Variants in THSD7B observed in about 807,000 individuals in gnomAD.
THSD7B encodes thrombospondin type-1 domain-containing protein 7B.
THSD7B carries 138 observed loss-of-function variants against 213.6 expected under a neutral mutation model. The ratio of observed to expected loss-of-function variants is 0.65; its 90% CI spans 0.56 to 0.74. The LOEUF (loss-of-function observed/expected upper bound fraction) is 0.74, where lower values mean the gene tolerates loss of function less well. Ranked by LOEUF, THSD7B falls within the 30% of genes least tolerant of loss-of-function variation. The pLI is 0.00. For synonymous variants in THSD7B, 742 were observed against 687.0 expected, an observed-to-expected ratio of 1.08 and a Z score of -1.25; for missense variants, 1,931 against 1,991.5, an observed-to-expected ratio of 0.97 and a Z score of 0.58.
chr2:137,281,274 A>G (rs899634581), intron 12 of THSD7B, among the ~76,000 whole-genome samples: 2 of 152,098 alleles, frequency 1.3e-5, no homozygotes, highest in Non-Finnish European at 2.9e-5. Flanking sequence ...GAACCCCTTT[A>G]AAGTAAAGAT....
chr2:137,622,904 G>C (rs574052874), intron 20 of THSD7B, among the ~76,000 whole-genome samples: 3 of 152,266 alleles, frequency 2.0e-5, no homozygotes, highest in East Asian at 1.9e-4. Context: ...GAGATACAAA[G>C]AGGAGCTGGT....
chr2:137,652,004 T>C (rs1174094760), intron 21 of THSD7B, among the ~76,000 whole-genome samples: 1 of 152,114 alleles, frequency 6.6e-6, no homozygotes, highest in Non-Finnish European at 1.5e-5. Flanking sequence ...TCCTATGTGC[T>C]GATGAAAAGA....
At chr2:137,398,357 T>A (rs1307669204) in intron 12 of THSD7B, among the ~76,000 whole-genome samples, 2 of 146,248 alleles carry the variant, frequency 1.4e-5, no homozygotes, top group Non-Finnish European at 3.0e-5. Flanking sequence ...GGATGTCCTT[T>A]CTGTTTGTTA....
intron 12 of THSD7B, among the ~76,000 whole-genome samples, chr2:137,293,701 T>C (rs1222048705): frequency 6.6e-6 from 1 of 152,106 alleles, no homozygotes; most frequent in Non-Finnish European, 1.5e-5. Flanking sequence ...TAACCAATTA[T>C]ATATTTTATT....
At chr2:137,266,031 A>T (rs1199942465) in intron 10 of THSD7B, among the ~76,000 whole-genome samples, 1 of 152,220 alleles carries the variant, frequency 6.6e-6, no homozygotes, top group African/African-American at 2.4e-5. Flanking sequence ...GATGTACAAA[A>T]CAGGAATGAG....
chr2:137,548,198 T>G (rs1680777747), intron 15 of THSD7B, among the ~76,000 whole-genome samples: 1 of 152,022 alleles, frequency 6.6e-6, no homozygotes, highest in Non-Finnish European at 1.5e-5. Flanking sequence ...GCTGCTGCCT[T>G]GTCTTTTTCC....
chr2:137,233,210 C>A, intron 9 of THSD7B, 77 bp downstream of exon 9: 3 of 1,341,288 alleles, frequency 2.2e-6, no homozygotes, highest in South Asian at 1.4e-5. Flanking sequence ...ATTTATCAAG[C>A]AATAGATATT....
intron 17 of THSD7B, among the ~76,000 whole-genome samples, chr2:137,599,040 C>T (rs139025790): frequency 0.12 from 14,817 of 123,196 alleles, 978 homozygotes; most frequent in South Asian, 0.21. Flanking sequence ...CCCCTCCCCC[C>T]ACCCCACCAC....
chr2:137,338,176 A>G (rs1405271208), intron 12 of THSD7B, among the ~76,000 whole-genome samples: 1 of 152,032 alleles, frequency 6.6e-6, no homozygotes, highest in Non-Finnish European at 1.5e-5. Flanking sequence ...GAGGTTATTC[A>G]GGTCTTTTTT....
chr2:137,007,879 A>G (rs1276888479), intron 2 of THSD7B, among the ~76,000 whole-genome samples: 2 of 152,160 alleles, frequency 1.3e-5, no homozygotes, highest in Admixed American at 1.3e-4. Context: ...TGATGTTGTC[A>G]TTAGTTCTTT....
intron 15 of THSD7B, among the ~76,000 whole-genome samples, chr2:137,530,021 G>A (rs1049845456): frequency 6.6e-6 from 1 of 151,952 alleles, no homozygotes; most frequent in African/African-American, 2.4e-5. Flanking sequence ...AACAGTTATT[G>A]TTAATACCAC....
intron 17 of THSD7B, among the ~76,000 whole-genome samples, chr2:137,608,507 G>C (rs6705607): frequency 0.22 from 33,220 of 151,948 alleles, 4,262 homozygotes; most frequent in African/African-American, 0.35. Flanking sequence ...TTGTTATGTT[G>C]TTTGATCTTT....
chr2:137,240,160 ACT>A (rs1681869140), intron 9 of THSD7B, among the ~76,000 whole-genome samples: 1 of 151,928 alleles, frequency 6.6e-6, no homozygotes, highest in African/African-American at 2.4e-5. Context: ...GTTTAGATCA[ACT>A]CTCTGAACAC....
At chr2:137,565,459 A>G (rs1160745123) in intron 16 of THSD7B, among the ~76,000 whole-genome samples, 3 of 152,170 alleles carry the variant, frequency 2.0e-5, no homozygotes, top group African/African-American at 7.2e-5. Flanking sequence ...CTTTTACAAC[A>G]GTCAACTCCC....
intron 2 of THSD7B, among the ~76,000 whole-genome samples, chr2:136,958,853 A>C (rs917894768): frequency 2.0e-5 from 3 of 152,128 alleles, no homozygotes; most frequent in Non-Finnish European, 2.9e-5. Context: ...GCTGAATTTC[A>C]TCTAGAGTGG....
intron 17 of THSD7B, among the ~76,000 whole-genome samples, chr2:137,578,623 A>G (rs1041898716): frequency 6.6e-5 from 10 of 152,178 alleles, no homozygotes; most frequent in African/African-American, 2.4e-4. Flanking sequence ...ACTGCCTGCT[A>G]AAACATACTT....
At chr2:137,220,990 T>C (rs1404603675) in intron 7 of THSD7B, among the ~76,000 whole-genome samples, 1 of 152,120 alleles carries the variant, frequency 6.6e-6, no homozygotes, top group East Asian at 1.9e-4. Context: ...AGCAAAACTA[T>C]AGGGACAGGT....
intron 15 of THSD7B, among the ~76,000 whole-genome samples, chr2:137,500,917 C>T (rs1219731998): frequency 1.3e-5 from 2 of 152,064 alleles, no homozygotes; most frequent in Non-Finnish European, 2.9e-5. Context: ...TGACTTTATA[C>T]TTAGTACCTT....
intron 2 of THSD7B, among the ~76,000 whole-genome samples, chr2:136,949,898 G>A (rs949213199): frequency 2.6e-5 from 4 of 152,308 alleles, no homozygotes; most frequent in Non-Finnish European, 5.9e-5. Flanking sequence ...TATGTTTATT[G>A]CAGCACTATT....
Sources: gnomAD v4.1 joint callset for allele counts (sites outside exome capture counted in the v4.1 genomes callset) on GRCh38, gnomAD v4.1.1 for gene constraint, MANE v1.5 for transcripts, NCBI Gene and HGNC (gene_info 2026-07-23, HGNC 2026-07-21) for gene names.